TALDO1: variants seen among roughly 807,000 people sequenced by gnomAD.
The protein encoded by TALDO1 is transaldolase 1.
TALDO1 carries 29 observed loss-of-function variants against 38.1 expected under a neutral mutation model. The ratio of observed to expected loss-of-function variants is 0.76; its 90% CI spans 0.57 to 1.04. The LOEUF (loss-of-function observed/expected upper bound fraction) is 1.04, where lower values mean the gene tolerates loss of function less well. Among genes scored for constraint, TALDO1 ranks in the 50% least tolerant of loss-of-function variants. TALDO1 has a pLI of 0.00. For missense variants in TALDO1, 499 were observed against 438.1 expected, an observed-to-expected ratio of 1.14 and a Z score of -1.24; for synonymous variants, 207 against 176.8, an observed-to-expected ratio of 1.17 and a Z score of -1.36.
intron 4 of TALDO1, among the ~76,000 whole-genome samples, chr11:761,335 C>T (rs1042511418): frequency 2.4e-5 from 2 of 82,076 alleles, no homozygotes; most frequent in Non-Finnish European, 5.0e-5. Flanking sequence ...GACTCCATCT[C>T]AAAAAAAAAA....
intron 1 of TALDO1, among the ~76,000 whole-genome samples, chr11:754,523 G>GT (rs1862800593): frequency 1.3e-5 from 2 of 152,162 alleles, no homozygotes; most frequent in South Asian, 4.1e-4. Flanking sequence ...CCAGGCTGGA[G>GT]TGCAGTGGTG....
intron 4 of TALDO1, chr11:760,977 G>C (rs1228938516): frequency 6.6e-6 from 1 of 152,666 alleles, no homozygotes; most frequent in Non-Finnish European, 1.5e-5. Flanking sequence ...GTTGCAGTTA[G>C]CTGAGATCAC....
chr11:762,261 G>T (rs1411841608), intron 4 of TALDO1, among the ~76,000 whole-genome samples: 1 of 152,168 alleles, frequency 6.6e-6, no homozygotes, highest in Non-Finnish European at 1.5e-5. Context: ...ACTGCACCTG[G>T]CCGGACCATT....
chr11:758,941 G>A lies in TALDO1; in HGVS notation c.222-9G>A. On this transcript the variant is annotated splice_polypyrimidine_tract_variant and intron_variant, in intron 2 of 7. Coordinates refer to ENST00000319006, the MANE Select transcript of TALDO1 (RefSeq NM_006755.2). Reference sequence around the variant, plus strand: ...CTTCTAACCTGCTTTTTTTCCCTTTGAATTTCAGGTCACAAGAGGACCAGA... The same window carrying A: ...CTTCTAACCTGCTTTTTTTCCCTTTAAATTTCAGGTCACAAGAGGACCAGA... 6.2e-7 allele frequency: 1 copy of A among 1,606,786 alleles called. No homozygotes were observed.
chr11:748,042 C>T (rs1331983183), intron 1 of TALDO1, among the ~76,000 whole-genome samples: 2 of 152,266 alleles, frequency 1.3e-5, no homozygotes, highest in Non-Finnish European at 2.9e-5. Context: ...GGGAGCCCCT[C>T]TGTGCACCTT....
rs1194059066 is a variant in TALDO1 at position 763,530 on chromosome 11, C to G, written c.637+11C>G. The stretch of plus-strand genomic sequence containing the variant: ...CCCTGGAAGACCCTGGTGAGGGTCC[C>G]TCTGTGGTAATGGGGTAAGGGGAGC... On this transcript the variant is annotated intron_variant, in intron 5 of 7. Transcript: ENST00000319006. 5.6e-6 allele frequency: 9 copies of G among 1,613,510 alleles called. No individual in the cohort carries two copies. Among genetic ancestry groups the G allele is most frequent in the Non-Finnish European group, 7.6e-6 (9 of 1,179,892 alleles).
Position 764,894 on chromosome 11 carries a change from T to G in TALDO1, c.*49T>G. On this transcript the variant is annotated 3_prime_UTR_variant, in exon 8 of 8. Coordinates refer to ENST00000319006, the MANE Select transcript of TALDO1 (RefSeq NM_006755.2). ...GATCTGCACCGCCGGCCAGCTGGGATCTGACTGCACGTGGCTTCTGATGAA... is the reference window on the plus strand; with the variant it reads ...GATCTGCACCGCCGGCCAGCTGGGAGCTGACTGCACGTGGCTTCTGATGAA... The G allele has an allele frequency of 1.2e-6, 2 of 1,613,018 alleles. No homozygotes were observed. The highest frequency in any genetic ancestry group is 8.5e-7 in the Non-Finnish European group (1 of 1,179,494).
In TALDO1 at chr11:756,332, G is replaced by A. The variant is rs1434410389; in HGVS notation, c.221+330G>A. ...CAGCTCTGGTAACACTTACCTTCTGGCTGTCATTTTATTTTTTACTTTTCA... is the reference window on the plus strand; with the variant it reads ...CAGCTCTGGTAACACTTACCTTCTGACTGTCATTTTATTTTTTACTTTTCA... On this transcript the variant is annotated intron_variant, in intron 2 of 7. Coordinates refer to ENST00000319006, the MANE Select transcript of TALDO1 (RefSeq NM_006755.2). 9.8e-6 allele frequency: 3 copies of A among 305,714 alleles called. No individual in the cohort carries two copies. The East Asian group carries it at 2.2e-4, about 22-fold the overall frequency. 18.9% of individuals were successfully genotyped at this position (305,714 alleles called of 1,614,324 possible).
At chr11:748,240 C>T (rs1564988844) in intron 1 of TALDO1, among the ~76,000 whole-genome samples, 1 of 152,206 alleles carries the variant, frequency 6.6e-6, no homozygotes, top group Non-Finnish European at 1.5e-5. Flanking sequence ...TTGAGCCCTG[C>T]GGTGCCCAGT....
chr11:758,636 G>A (rs923574002), intron 2 of TALDO1, among the ~76,000 whole-genome samples: 24 of 149,984 alleles, frequency 1.6e-4, no homozygotes, highest in African/African-American at 5.4e-4. Context: ...ATGGAGTCTC[G>A]CTCTGTCGCT....
chr11:753,525 C>T (rs1317876229), intron 1 of TALDO1, among the ~76,000 whole-genome samples: 5 of 150,982 alleles, frequency 3.3e-5, no homozygotes, highest in Non-Finnish European at 5.9e-5. Context: ...AGCGAGACTC[C>T]GTCTCAAAAA....
At chr11:755,135 CTTTTTTTTTTTT>C (rs71022966) in intron 1 of TALDO1, among the ~76,000 whole-genome samples, 3 of 59,604 alleles carry the variant, frequency 5.0e-5, no homozygotes, top group African/African-American at 1.4e-4. Context: ...TCCCCTTGGC[CTTTTTTTTTTTT>C]TTTTTTTTTT....
intron 4 of TALDO1, among the ~76,000 whole-genome samples, chr11:762,195 C>G (rs1441760912): frequency 1.3e-5 from 2 of 152,066 alleles, no homozygotes; most frequent in African/African-American, 4.8e-5. Flanking sequence ...AACTCCCAGC[C>G]TCAGGTGATC....
At chr11:763,218 TG>T in intron 4 of TALDO1, 125 bp from the exon 5 acceptor site, 2 of 30,922 alleles carry the variant, frequency 6.5e-5, no homozygotes, top group Non-Finnish European at 1.2e-4. Flanking sequence ...CGCCCTCACC[TG>T]CCCCCGCCCT....
At chr11:755,131 T>G in intron 1 of TALDO1, among the ~76,000 whole-genome samples, 1 of 142,554 alleles carries the variant, frequency 7.0e-6, no homozygotes, top group African/African-American at 2.6e-5. Flanking sequence ...CTTTTCCCCT[T>G]GGCCTTTTTT....
intron 2 of TALDO1, among the ~76,000 whole-genome samples, chr11:757,090 A>T (rs1862850317): frequency 6.6e-6 from 1 of 152,020 alleles, no homozygotes. Context: ...GGCTCCCCTG[A>T]CCATGTTGTG....
At chr11:756,117 A>T in intron 2 of TALDO1, 115 bp downstream of exon 2, 7 of 1,428,124 alleles carry the variant, frequency 4.9e-6, no homozygotes, top group Non-Finnish European at 6.5e-6. Flanking sequence ...AAGGGGGGAA[A>T]AAAACCCTAT....
At chr11:759,156 C>A in intron 3 of TALDO1, 99 bp downstream of exon 3, 1 of 1,038,522 alleles carries the variant, frequency 9.6e-7, no homozygotes, top group Non-Finnish European at 1.5e-6. Flanking sequence ...CACCCATGGT[C>A]TTCATCCCAA....
At chr11:764,688 G>A (rs3891031) in intron 7 of TALDO1, 125 bp from the exon 8 acceptor site, 1 of 1,493,010 alleles carries the variant, frequency 6.7e-7, no homozygotes, top group Non-Finnish European at 9.3e-7. Flanking sequence ...CCACCCTGTG[G>A]CCGTGGCCCC....
Sources: gnomAD v4.1 joint callset for allele counts (sites outside exome capture counted in the v4.1 genomes callset) on GRCh38, gnomAD v4.1.1 for gene constraint, MANE v1.5 for transcripts, NCBI Gene and HGNC (gene_info 2026-07-23, HGNC 2026-07-21) for gene names.